The following MYH9 variants were observed in gnomAD, a reference collection of about 807,000 sequenced individuals.
MYH9 encodes myosin heavy chain 9, also known as myosin-9.
A neutral mutation model predicts 241.9 loss-of-function variants in MYH9; 29 were observed. The observed-to-expected ratio is 0.12, with a 90% confidence interval of 0.09 to 0.16. MYH9 has a LOEUF of 0.16. MYH9 is among the 10% of genes least tolerant of loss of function. The probability of loss-of-function intolerance (pLI) is 1.00; values close to 1 mark genes in which losing one functional copy is unlikely to be tolerated. For missense variants in MYH9, 1,803 were observed against 2,595.5 expected (o/e 0.69, Z 6.63); for synonymous variants, 1,047 against 1,062.6 (o/e 0.99, Z 0.29).
chr22:36,348,680 T>C (rs2017717577), intron 2 of MYH9, among the ~76,000 whole-genome samples: 1 of 152,138 alleles, frequency 6.6e-6, no homozygotes, highest in Non-Finnish European at 1.5e-5. Flanking sequence ...ACAGGCTTCC[T>C]GTTTTGCTTT....
intron 3 of MYH9, among the ~76,000 whole-genome samples, chr22:36,340,384 G>C (rs2017566258): frequency 6.6e-6 from 1 of 152,040 alleles, no homozygotes; most frequent in Admixed American, 6.6e-5. Flanking sequence ...AAGTTGGCCA[G>C]GCACGGTGGC....
At position 36,320,965 on chromosome 22, in the gene MYH9, T is replaced by C. The variant is rs2017241153; in HGVS notation, c.770-69A>G. 6.4e-6 allele frequency: 9 copies of C among 1,403,940 alleles called. No individual in the cohort carries two copies. Among genetic ancestry groups the C allele is most frequent in the Middle Eastern group, 2.1e-4 (1 of 4,804 alleles). The allele number at this position is 1,403,940 out of a possible 1,614,324, so 87.0% of individuals were successfully genotyped here. Reference sequence around the variant, plus strand: ...GCCCTCCACTTTCCTCATTTTTTTTTTTTTGGAGACAGAGTCTCGCTCTGT... The same window carrying C: ...GCCCTCCACTTTCCTCATTTTTTTTCTTTTGGAGACAGAGTCTCGCTCTGT... On this transcript the variant is annotated intron_variant, in intron 7 of 40. Transcript: ENST00000216181. The surrounding 1 kb of genome is among the most constrained non-coding windows in gnomAD (Gnocchi z 4.8).
chr22:36,335,534 G>A (rs1439101808), intron 3 of MYH9, among the ~76,000 whole-genome samples: 1 of 152,214 alleles, frequency 6.6e-6, no homozygotes, highest in East Asian at 1.9e-4. Context: ...GAGCTTTTCT[G>A]CCCCTTGAAG....
intron 24 of MYH9, among the ~76,000 whole-genome samples, chr22:36,298,411 A>G (rs1251366772): frequency 1.3e-5 from 2 of 152,190 alleles, no homozygotes; most frequent in Non-Finnish European, 2.9e-5. Flanking sequence ...GAACTTCCGC[A>G]GTATTCGTCT....
At chr22:36,287,467 G>T (rs1278378371) in intron 34 of MYH9, among the ~76,000 whole-genome samples, 1 of 151,706 alleles carries the variant, frequency 6.6e-6, no homozygotes, top group Non-Finnish European at 1.5e-5. Context: ...TTTTTGGCCG[G>T]GCGCAGTGGC....
At chr22:36,292,323 C>T (rs550607203) in intron 30 of MYH9, 89 bp from the exon 31 acceptor site, 4 of 1,567,882 alleles carry the variant, frequency 2.6e-6, no homozygotes, top group African/African-American at 1.3e-5. Flanking sequence ...AGCCTGCCTG[C>T]CACACCGTGG....
rs1341552420 is a variant in MYH9, at chr22:36,295,595, T to C, written c.3395A>G (p.Lys1132Arg). Residue 1132 changes from lysine to arginine, a missense_variant, in exon 26 of 41, where the codon AAG becomes AGG. By Grantham distance (26) the Lys-to-Arg change is conservative. This residue lies in a region of MYH9 where 290 missense variants were observed against 360.5 expected (regional missense o/e 0.80). Transcript: ENST00000216181. The surrounding 1 kb of genome is among the most constrained non-coding windows in gnomAD (Gnocchi z 4.1). ...CTCTTCCCCAAGGTCCCGTTTCTGC[T>C]TCTCAGCTTTATTCCTGGAAGCACG... ...SERASRNKAE[K>R]QKRDLGEELE... The C allele has an allele frequency of 6.2e-7, 1 of 1,614,090 alleles. No homozygotes were observed. Among genetic ancestry groups the C allele is most frequent in the Non-Finnish European group, 8.5e-7 (1 of 1,180,032 alleles).
intron 3 of MYH9, among the ~76,000 whole-genome samples, chr22:36,336,448 A>G (rs1391597625): frequency 5.3e-5 from 8 of 152,228 alleles, no homozygotes. Flanking sequence ...ACACAGTCCC[A>G]CCCATCCCCC....
intron 1 of MYH9, among the ~76,000 whole-genome samples, chr22:36,349,751 T>C (rs769127362): frequency 2.0e-5 from 3 of 152,130 alleles, no homozygotes; most frequent in Non-Finnish European, 4.4e-5. Flanking sequence ...TAGCAACTAA[T>C]GGTAAGGTGT....
Position 36,285,771 on chromosome 22 carries a change from A to G in MYH9, c.5161T>C (p.Leu1721=). ...ANSSGKGALA[L]EEKRRLEARI... ...GCCTCCAGACGCCGCTTCTCCTCTA[A>G]CGCCAGGGCTCTGCGGGGTGGGCGG... The change falls in exon 37 of 41, where the codon TTA becomes CTA. Residue 1721 remains leucine (L), a synonymous_variant. Coordinates refer to ENST00000216181, the MANE Select transcript of MYH9 (RefSeq NM_002473.6). This position sits in a 1 kb window ranked among gnomAD's most constrained non-coding sequence, Gnocchi z 7.0. The G allele has an allele frequency of 6.2e-7, 1 of 1,603,430 alleles. No homozygotes were observed. Among genetic ancestry groups the G allele is most frequent in the Middle Eastern group, 1.8e-4 (1 of 5,706 alleles).
chr22:36,310,208 T>G (rs1323890598), intron 14 of MYH9, among the ~76,000 whole-genome samples: 1 of 150,464 alleles, frequency 6.6e-6, no homozygotes, highest in African/African-American at 2.4e-5. Flanking sequence ...AGACGGAGGT[T>G]GCAGTGAGCC....
intron 1 of MYH9, among the ~76,000 whole-genome samples, chr22:36,369,208 T>C (rs1435913081): frequency 1.3e-5 from 2 of 152,236 alleles, no homozygotes; most frequent in South Asian, 2.1e-4. Context: ...TATTTCTTTC[T>C]GTCTAACATA....
At position 36,348,900 on chromosome 22, in the gene MYH9, T is replaced by C; in HGVS notation, c.333+4A>G. ...GCCTGCGGGGTGCCACGGCAGCCAC[T>C]TACGTAGATGAGCCCTGAGTAGTAA... On this transcript the variant is annotated splice_donor_region_variant and intron_variant, in intron 2 of 40. Coordinates refer to ENST00000216181, the MANE Select transcript of MYH9 (RefSeq NM_002473.6). 2.0e-6 allele frequency: 3 copies of C among 1,513,126 alleles called. No homozygotes were observed. The highest frequency in any genetic ancestry group is 2.7e-6 in the Non-Finnish European group (3 of 1,126,950). The allele number at this position is 1,513,126 out of a possible 1,614,324, so 93.7% of individuals were successfully genotyped here.
In MYH9 at chr22:36,305,527, A is replaced by G. The variant is rs2016954574; in HGVS notation, c.2159+403T>C. ...GCAACTGACACTCAGCACAGTCATT[A>G]GAGAAACAGGAAGGTGTCGCCGTCT... On this transcript the variant is annotated intron_variant, in intron 17 of 40. Transcript: ENST00000216181. The surrounding 1 kb of genome is among the most constrained non-coding windows in gnomAD (Gnocchi z 4.7). Among the ~76,000 whole-genome samples the G allele has an allele frequency of 1.3e-5, 2 of 152,356 alleles. No individual in the cohort carries two copies. The highest frequency in any genetic ancestry group is 6.5e-5 in the Admixed American group (1 of 15,298).
Position 36,305,164 on chromosome 22 carries a change from T to C in MYH9, c.2160-62A>G, listed in dbSNP as rs2016948881. 7.3e-7 allele frequency: 1 copy of C among 1,361,078 alleles called. No individual in the cohort carries two copies. Among genetic ancestry groups the C allele is most frequent in the Admixed American group, 1.7e-5 (1 of 59,402 alleles). 84.3% of individuals were successfully genotyped at this position (1,361,078 alleles called of 1,614,324 possible). A position where few individuals can be genotyped will look rare whatever the true frequency, so the allele number is the denominator to read the frequency against. On this transcript the variant is annotated intron_variant, in intron 17 of 40. Coordinates refer to ENST00000216181, the MANE Select transcript of MYH9 (RefSeq NM_002473.6). This position sits in a 1 kb window ranked among gnomAD's most constrained non-coding sequence, Gnocchi z 4.7. ...TTGCCTCGATTCCACATGCCTGGAA[T>C]ATAGGCGAGAGATTAACATCATTTC...
chr22:36,356,208 A>C (rs2017853054), intron 1 of MYH9, among the ~76,000 whole-genome samples: 2 of 152,134 alleles, frequency 1.3e-5, no homozygotes, highest in Non-Finnish European at 2.9e-5. Context: ...ACAGGTGAAC[A>C]TGTCCTTTCT....
At position 36,282,204 on chromosome 22, in the gene MYH9, A is replaced by C. The variant is rs528381795; in HGVS notation, c.*464T>G. The C allele has an allele frequency of 1.0e-4, 35 of 345,956 alleles. No individual in the cohort carries two copies. The South Asian group carries it at 1.3e-3, about 13-fold the overall frequency. 21.4% of individuals were successfully genotyped at this position (345,956 alleles called of 1,614,324 possible). On this transcript the variant is annotated 3_prime_UTR_variant, in exon 41 of 41. Coordinates refer to ENST00000216181, the MANE Select transcript of MYH9 (RefSeq NM_002473.6). Reference sequence around the variant, plus strand: ...GTGTGAGGTCACCACGTGTGATTGCAAACAGCAAAGAAAGGAGGAGGAGTG... The same window carrying C: ...GTGTGAGGTCACCACGTGTGATTGCCAACAGCAAAGAAAGGAGGAGGAGTG...
chr22:36,285,577 C>T lies in MYH9; in HGVS notation c.5274+81G>A. The T allele has an allele frequency of 6.3e-7, 1 of 1,594,372 alleles. No individual in the cohort carries two copies. Among genetic ancestry groups the T allele is most frequent in the Non-Finnish European group, 8.5e-7 (1 of 1,173,742 alleles). ...GGGAGCAGCTGGCACTTGGCCTGTG[C>T]TTCTGCCGGCTGGGTCCAAGGCCAG... On this transcript the variant is annotated intron_variant, in intron 37 of 40. Coordinates refer to ENST00000216181, the MANE Select transcript of MYH9 (RefSeq NM_002473.6). The surrounding 1 kb of genome is among the most constrained non-coding windows in gnomAD (Gnocchi z 7.0).
At chr22:36,313,038 C>T (rs979272139) in intron 13 of MYH9, among the ~76,000 whole-genome samples, 1 of 150,284 alleles carries the variant, frequency 6.7e-6, no homozygotes, top group South Asian at 2.1e-4. Context: ...TGCAGTGAGC[C>T]GAGAGCACGC....
Sources: gnomAD v4.1 joint callset for allele counts (sites outside exome capture counted in the v4.1 genomes callset) on GRCh38, gnomAD v4.1.1 for gene constraint, gnomAD v4.1.1 regional missense constraint, Gnocchi (gnomAD v3.1) non-coding constraint, MANE v1.5 for transcripts, NCBI Gene and HGNC (gene_info 2026-07-23, HGNC 2026-07-21) for gene names.